CALN1: variants seen among roughly 807,000 people sequenced by gnomAD.
The protein encoded by CALN1 is calcium-binding protein 8.
Under a neutral mutation model 30.6 loss-of-function variants are expected in CALN1, and 17 were observed. The ratio of observed to expected loss-of-function variants is 0.56; its 90% confidence interval spans 0.38 to 0.83. CALN1 has a LOEUF of 0.83. Among genes scored for constraint, CALN1 ranks in the 40% least tolerant of loss-of-function variants. The pLI is 0.00. For missense variants in CALN1, 291 were observed against 354.9 expected (o/e 0.82, Z 1.45); for synonymous variants, 156 against 131.4 (o/e 1.19, Z -1.28).
intron 2 of CALN1, among the ~76,000 whole-genome samples, chr7:72,368,165 ATATGTGTATATATGTG>A (rs1281810265): frequency 2.6e-5 from 4 of 151,250 alleles, no homozygotes; most frequent in Non-Finnish European, 5.9e-5. Context: ...GTGTATATAT[ATATGTGTATATATGTG>A]TATCTGTATA....
At chr7:71,828,035 C>T (rs556847220) in intron 5 of CALN1, among the ~76,000 whole-genome samples, 1 of 152,162 alleles carries the variant, frequency 6.6e-6, no homozygotes, top group East Asian at 1.9e-4. Context: ...ACCAGATAAA[C>T]GTTTCTCCTT....
intron 5 of CALN1, among the ~76,000 whole-genome samples, chr7:71,994,466 C>T (rs891650613): frequency 3.5e-5 from 5 of 141,264 alleles, no homozygotes; most frequent in East Asian, 2.2e-4. Context: ...GAGCCGAGAT[C>T]GTGCCACTGC....
At chr7:72,072,792 T>C (rs946726574) in intron 4 of CALN1, among the ~76,000 whole-genome samples, 17 of 152,230 alleles carry the variant, frequency 1.1e-4, no homozygotes, top group Non-Finnish European at 1.5e-5. Flanking sequence ...TAAAGCAGCA[T>C]TTTTTATATG....
At chr7:72,154,308 A>C (rs922231641) in intron 3 of CALN1, among the ~76,000 whole-genome samples, 13 of 151,488 alleles carry the variant, frequency 8.6e-5, no homozygotes, top group African/African-American at 3.1e-4. Flanking sequence ...GCCAAGCCAA[A>C]CTTGAACTTG....
rs181498215 is a variant in CALN1 at position 71,915,216 on chromosome 7, A to T, written c.502-104724T>A. 8.5e-5 allele frequency among the ~76,000 whole-genome samples: 13 copies of T among 152,302 alleles called. No individual in the cohort carries two copies. In the East Asian group the frequency reaches 2.5e-3, roughly 29 times the overall value. On this transcript the variant is annotated intron_variant, in intron 5 of 6. Coordinates refer to ENST00000395275, the MANE Select transcript of CALN1 (RefSeq NM_031468.4). ...GGGGCCAAGGTCTCCAGTGCAACAA[A>T]AGCCCAAGAGAGGATTAACTCTCAA...
intron 3 of CALN1, among the ~76,000 whole-genome samples, chr7:72,239,329 G>A (rs979783575): frequency 6.6e-6 from 1 of 152,020 alleles, no homozygotes; most frequent in Non-Finnish European, 1.5e-5. Context: ...GCTCAGGAGT[G>A]AGGCTATAAT....
chr7:71,976,579 G>A (rs1798111001), intron 5 of CALN1, among the ~76,000 whole-genome samples: 1 of 152,224 alleles, frequency 6.6e-6, no homozygotes, highest in South Asian at 2.1e-4. Flanking sequence ...AAATGAACGA[G>A]GTCCTCCCTT....
intron 4 of CALN1, among the ~76,000 whole-genome samples, chr7:72,036,947 T>C (rs926787828): frequency 6.7e-6 from 1 of 148,866 alleles, no homozygotes; most frequent in African/African-American, 2.4e-5. Flanking sequence ...TTTTTTGTTA[T>C]TATTTTTGTC....
chr7:72,275,825 C>G (rs764895358), intron 3 of CALN1, among the ~76,000 whole-genome samples: 1 of 152,168 alleles, frequency 6.6e-6, no homozygotes, highest in Non-Finnish European at 1.5e-5. Flanking sequence ...ATATGCTTTT[C>G]TGTTTGTCCA....
At chr7:72,364,764 T>C (rs1417100432) in intron 2 of CALN1, among the ~76,000 whole-genome samples, 1 of 152,230 alleles carries the variant, frequency 6.6e-6, no homozygotes, top group Non-Finnish European at 1.5e-5. Flanking sequence ...TATTCATATA[T>C]CAAAACATCA....
intron 3 of CALN1, among the ~76,000 whole-genome samples, chr7:72,221,440 C>G (rs1318067886): frequency 1.3e-5 from 2 of 151,432 alleles, no homozygotes; most frequent in African/African-American, 4.9e-5. Context: ...GCCTCAGCCT[C>G]CCGAGTAGTT....
intron 5 of CALN1, among the ~76,000 whole-genome samples, chr7:71,993,950 T>C (rs1045533196): frequency 6.6e-6 from 1 of 152,182 alleles, no homozygotes; most frequent in African/African-American, 2.4e-5. Flanking sequence ...AAATGTTGAA[T>C]TATACGACTG....
chr7:72,314,186 TC>T (rs746200064), intron 2 of CALN1, among the ~76,000 whole-genome samples: 2 of 151,814 alleles, frequency 1.3e-5, no homozygotes, highest in African/African-American at 4.8e-5. Context: ...TCTGCCACCA[TC>T]CCCCTCCCTG....
At chr7:72,385,493 T>C (rs147448922) in intron 2 of CALN1, among the ~76,000 whole-genome samples, 1 of 152,098 alleles carries the variant, frequency 6.6e-6, no homozygotes, top group Non-Finnish European at 1.5e-5. Context: ...ATTGATATGG[T>C]TTGGCTTCAT....
chr7:72,000,304 C>T (rs976491716), intron 5 of CALN1, among the ~76,000 whole-genome samples: 50 of 151,768 alleles, frequency 3.3e-4, no homozygotes, highest in African/African-American at 1.1e-3. Flanking sequence ...AAAACAGCCA[C>T]AGAAAACACA....
At chr7:72,395,610 G>C (rs1442671821) in intron 2 of CALN1, among the ~76,000 whole-genome samples, 1 of 152,130 alleles carries the variant, frequency 6.6e-6, no homozygotes, top group African/African-American at 2.4e-5. Context: ...TGCATTAGAA[G>C]AATCACAAAG....
chr7:72,207,199 C>A (rs75035694), intron 3 of CALN1, among the ~76,000 whole-genome samples: 1 of 152,174 alleles, frequency 6.6e-6, no homozygotes, highest in Non-Finnish European at 1.5e-5. Context: ...ACTCTCTCCC[C>A]GATTCACTAG....
chr7:71,831,888 A>AC (rs1037321389), intron 5 of CALN1, among the ~76,000 whole-genome samples: 6 of 150,086 alleles, frequency 4.0e-5, no homozygotes, highest in African/African-American at 1.5e-4. Context: ...AAAAAAAAAA[A>AC]AAAAAAAAAC....
rs1471601515 is a variant in CALN1, at chr7:72,229,348, G to C, written c.244+49338C>G. Among the ~76,000 whole-genome samples the C allele has an allele frequency of 4.6e-5, 7 of 152,064 alleles. No individual in the cohort carries two copies. The East Asian group carries it at 1.3e-3, about 29-fold the overall frequency. ...AAGATGGAAGAGGAAAGCAGAGCAT[G>C]GTGGCTCATGCCTGTAATCCCAGCA... On this transcript the variant is annotated intron_variant, in intron 3 of 6. Transcript: ENST00000395275.
Sources: gnomAD v4.1 joint callset for allele counts (sites outside exome capture counted in the v4.1 genomes callset) on GRCh38, gnomAD v4.1.1 for gene constraint, MANE v1.5 for transcripts, NCBI Gene and HGNC (gene_info 2026-07-23, HGNC 2026-07-21) for gene names.